COL18A1: variants seen among roughly 807,000 people sequenced by gnomAD.
The protein encoded by COL18A1 is collagen type XVIII alpha 1 chain.
COL18A1 carries 133 observed loss-of-function variants against 168.0 expected under a neutral mutation model. The ratio of observed to expected loss-of-function variants is 0.79; its 90% confidence interval spans 0.69 to 0.91. The LOEUF (loss-of-function observed/expected upper bound fraction) is 0.91, where lower values mean the gene tolerates loss of function less well. Among genes scored for constraint, COL18A1 ranks in the 40% least tolerant of loss-of-function variants. The pLI is 0.00. For synonymous variants in COL18A1, 949 were observed against 809.0 expected (o/e 1.17, Z -2.94); for missense variants, 2,126 against 1,925.4 (o/e 1.10, Z -1.95).
intron 36 of COL18A1, 61 bp from the exon 37 acceptor site, chr21:45,505,777 T>C (rs1011637317): frequency 7.8e-7 from 1 of 1,281,914 alleles, no homozygotes; most frequent in African/African-American, 1.5e-5. Context: ...CATTCCTTCC[T>C]TCCGCCCCTG....
chr21:45,476,512 GGTGTGGGGT>G, intron 6 of COL18A1, 32 bp downstream of exon 6: 1 of 1,567,154 alleles, frequency 6.4e-7, no homozygotes, highest in African/African-American at 1.4e-5. Context: ...GTGTGTGTGT[GGTGTGGGGT>G]GTGTGTGGTG....
chr21:45,509,639 C>G lies in COL18A1; in HGVS notation c.3495+38C>G, dbSNP rs78487064. On this transcript the variant is annotated intron_variant, in intron 39 of 41. Coordinates refer to ENST00000651438, the MANE Select transcript of COL18A1 (RefSeq NM_001379500.1). ...CCAAAGTGGGCTTGGCTCCATCTAG[C>G]CCCTCGGCTCTCGGCAGCAGAAGAG... 155,468 of 1,093,156 alleles carry G rather than the reference C, an allele frequency of 0.14. 11,637 individuals carry two copies. Among genetic ancestry groups the G allele is most frequent in the African/African-American group, 0.24 (15,256 of 64,778 alleles). The allele number at this position is 1,093,156 out of a possible 1,614,324, so 67.7% of individuals were successfully genotyped here. A position where few individuals can be genotyped will look rare whatever the true frequency, so the allele number is the denominator to read the frequency against.
intron 28 of COL18A1, 163 bp downstream of exon 28, chr21:45,495,078 T>G: frequency 1.4e-6 from 1 of 709,294 alleles, no homozygotes; most frequent in Middle Eastern, 3.9e-4. Flanking sequence ...TTGTCCTGGA[T>G]GTGGCTGGCA....
At chr21:45,482,139 T>A in intron 14 of COL18A1, 114 bp downstream of exon 14, 1 of 809,194 alleles carries the variant, frequency 1.2e-6, no homozygotes, top group Admixed American at 2.1e-5. Context: ...TAGCCCCCCA[T>A]CACAGCCCCA....
At position 45,479,872 on chromosome 21, in the gene COL18A1, C is replaced by T. The variant is rs536464955; in HGVS notation, c.1249-30C>T. The T allele has an allele frequency of 4.3e-6, 7 of 1,613,080 alleles. No individual in the cohort carries two copies. The South Asian group carries it at 6.6e-5, about 15-fold the overall frequency. On this transcript the variant is annotated intron_variant, in intron 9 of 41. Coordinates refer to ENST00000651438, the MANE Select transcript of COL18A1 (RefSeq NM_001379500.1). ...GGTGCGGCCCATGGTGGTGCCTTCCCTGACCGGGCCCCCGGATGTTGTGTT... is the reference window on the plus strand; with the variant it reads ...GGTGCGGCCCATGGTGGTGCCTTCCTTGACCGGGCCCCCGGATGTTGTGTT...
intron 2 of COL18A1, among the ~76,000 whole-genome samples, chr21:45,431,544 C>G (rs1602367169): frequency 7.0e-6 from 1 of 142,648 alleles, no homozygotes; most frequent in African/African-American, 2.7e-5. Flanking sequence ...ACTCGGCGGC[C>G]CAGGGGAGGG....
At chr21:45,439,556 C>G (rs530022665) in intron 2 of COL18A1, among the ~76,000 whole-genome samples, 1 of 152,392 alleles carries the variant, frequency 6.6e-6, no homozygotes, top group East Asian at 1.9e-4. Flanking sequence ...AATGCCTGGG[C>G]CTCTGGCTCC....
Position 45,405,298 on chromosome 21 carries a change from C to CGGGGCT in COL18A1, c.11+58_11+59insGGGCTG, listed in dbSNP as rs1555966523. ...GACGCCAAGATGCGGCTGCGGGGGT[C>CGGGGCT]GCGGGGGTCGCGGGGCTCGGCCGGG... On this transcript the variant is annotated intron_variant, in intron 1 of 41. Transcript: ENST00000651438. The CGGGGCT allele has an allele frequency of 2.0e-4, 107 of 521,964 alleles. No homozygotes were observed. In the African/African-American group the frequency reaches 4.8e-3, roughly 24 times the overall value. The allele number at this position is 521,964 out of a possible 1,614,324, so 32.3% of individuals were successfully genotyped here. A position where few individuals can be genotyped will look rare whatever the true frequency, so the allele number is the denominator to read the frequency against.
chr21:45,504,703 TG>T, intron 34 of COL18A1, 147 bp downstream of exon 34: 1 of 719,182 alleles, frequency 1.4e-6, no homozygotes, highest in Non-Finnish European at 2.3e-6. Context: ...TGTCCCCGTG[TG>T]GGGACGCAGC....
chr21:45,480,858 G>A lies in COL18A1; in HGVS notation c.1611G>A (p.Pro537=), dbSNP rs755844755. Residue 537 remains proline (P), a splice_region_variant and synonymous_variant, in exon 13 of 42, where the codon CCG becomes CCA. Coordinates refer to ENST00000651438, the MANE Select transcript of COL18A1 (RefSeq NM_001379500.1). The part of the protein sequence containing the change: ...REGPPGFPGL[P]GPPGPPGREG... Reference sequence around the variant, plus strand: ...GTCCCCCCGGGTTTCCTGGCCTCCCGGTAAGTCCTGCCTCCACCGTCAGTG... The same window carrying A: ...GTCCCCCCGGGTTTCCTGGCCTCCCAGTAAGTCCTGCCTCCACCGTCAGTG... 4.3e-5 allele frequency: 70 copies of A among 1,609,482 alleles called. No individual in the cohort carries two copies. The highest frequency in any genetic ancestry group is 1.3e-4 in the Admixed American group (8 of 59,746).
At chr21:45,438,719 G>A (rs1219828621) in intron 2 of COL18A1, among the ~76,000 whole-genome samples, 1 of 152,242 alleles carries the variant, frequency 6.6e-6, no homozygotes, top group Non-Finnish European at 1.5e-5. Flanking sequence ...CCTCTGCAGG[G>A]TGCCAGGGCC....
chr21:45,489,370 G>A (rs906481592), intron 18 of COL18A1, 116 bp from the exon 19 acceptor site: 4 of 808,386 alleles, frequency 4.9e-6, no homozygotes, highest in Admixed American at 2.0e-5. Flanking sequence ...TCTGGGCTGG[G>A]GGAGGGCGGT....
chr21:45,427,494 T>A (rs2145775180), intron 2 of COL18A1, among the ~76,000 whole-genome samples: 1 of 152,278 alleles, frequency 6.6e-6, no homozygotes, highest in Middle Eastern at 3.4e-3. Flanking sequence ...GCCGTGCCCA[T>A]GGGCTCCGCC....
chr21:45,454,424 C>T (rs1448831187), intron 2 of COL18A1, among the ~76,000 whole-genome samples: 1 of 152,140 alleles, frequency 6.6e-6, no homozygotes, highest in Non-Finnish European at 1.5e-5. Flanking sequence ...TGACGAGGGA[C>T]TCCAGCTGGG....
intron 2 of COL18A1, among the ~76,000 whole-genome samples, chr21:45,438,122 ACT>A (rs1462388690): frequency 8.5e-5 from 8 of 94,510 alleles, no homozygotes; most frequent in Admixed American, 1.1e-4. Context: ...ACACACAGGC[ACT>A]CTCCTGCACA....
chr21:45,504,145 A>G, intron 33 of COL18A1, 91 bp downstream of exon 33: 2 of 1,450,034 alleles, frequency 1.4e-6, no homozygotes, highest in Non-Finnish European at 1.9e-6. Context: ...ATCCGGCCCA[A>G]GCCCCCTTCC....
intron 15 of COL18A1, 151 bp downstream of exon 15, chr21:45,482,972 C>T: frequency 8.3e-7 from 1 of 1,204,926 alleles, no homozygotes; most frequent in South Asian, 1.3e-5. Flanking sequence ...TCCATCCGTC[C>T]TGCCGGAATC....
chr21:45,495,454 G>C, intron 29 of COL18A1, 22 bp downstream of exon 29: 1 of 1,588,364 alleles, frequency 6.3e-7, no homozygotes, highest in Non-Finnish European at 8.6e-7. Flanking sequence ...TCAAGGGGCG[G>C]ACTGGGTGGC....
intron 2 of COL18A1, among the ~76,000 whole-genome samples, chr21:45,432,554 T>C (rs2033991703): frequency 6.6e-6 from 1 of 152,154 alleles, no homozygotes; most frequent in African/African-American, 2.4e-5. Context: ...ACTTTTTGGG[T>C]GAGAACCCCC....
Sources: gnomAD v4.1 joint callset for allele counts (sites outside exome capture counted in the v4.1 genomes callset) on GRCh38, gnomAD v4.1.1 for gene constraint, MANE v1.5 for transcripts, NCBI Gene and HGNC (gene_info 2026-07-23, HGNC 2026-07-21) for gene names.